Variants in IKZF2 observed in about 807,000 individuals in gnomAD.
IKZF2 encodes the protein zinc finger protein Helios.
In IKZF2, 15 loss-of-function variants were observed where a neutral mutation model predicts 49.2. That is an observed-to-expected ratio of 0.30 (90% confidence interval 0.20 to 0.47). IKZF2 has a LOEUF of 0.47. Ranked by LOEUF, IKZF2 falls within the 20% of genes least tolerant of loss-of-function variation. The pLI, the probability that IKZF2 is intolerant of heterozygous loss-of-function variation, is 1.00. For synonymous variants in IKZF2, 227 were observed against 221.4 expected (o/e 1.03, Z -0.23); for missense variants, 567 against 664.6 (o/e 0.85, Z 1.61).
intron 8 of IKZF2, among the ~76,000 whole-genome samples, chr2:213,013,058 C>T (rs969705160): frequency 5.9e-5 from 9 of 151,490 alleles, no homozygotes; most frequent in Admixed American, 4.0e-4. Flanking sequence ...TCTAAGGGTT[C>T]GGAAATGAAA....
At chr2:213,037,928 C>A (rs1012130488) in intron 6 of IKZF2, among the ~76,000 whole-genome samples, 1 of 151,582 alleles carries the variant, frequency 6.6e-6, no homozygotes, top group Non-Finnish European at 1.5e-5. Flanking sequence ...AATTATACTA[C>A]ATTTAATGCA....
At chr2:213,080,524 A>G (rs1703830704) in intron 4 of IKZF2, among the ~76,000 whole-genome samples, 1 of 152,194 alleles carries the variant, frequency 6.6e-6, no homozygotes. Flanking sequence ...GAAATAGAAA[A>G]TAAGTGAAAA....
chr2:213,125,944 C>G (rs1487666976), intron 4 of IKZF2, among the ~76,000 whole-genome samples: 1 of 151,844 alleles, frequency 6.6e-6, no homozygotes, highest in Non-Finnish European at 1.5e-5. Flanking sequence ...TAGTATATAC[C>G]AAAAAATTAT....
At chr2:213,016,709 A>G (rs1056024910) in intron 7 of IKZF2, among the ~76,000 whole-genome samples, 11 of 152,310 alleles carry the variant, frequency 7.2e-5, no homozygotes, top group Admixed American at 7.2e-4. Context: ...AACCAAGATA[A>G]AAACATAATT....
chr2:213,107,066 G>A (rs1436605649), intron 4 of IKZF2, among the ~76,000 whole-genome samples: 1 of 152,130 alleles, frequency 6.6e-6, no homozygotes, highest in Non-Finnish European at 1.5e-5. Context: ...ACACGGTAAG[G>A]AGAATGTACC....
chr2:213,068,469 G>C (rs896485462), intron 4 of IKZF2, among the ~76,000 whole-genome samples: 2 of 151,994 alleles, frequency 1.3e-5, no homozygotes, highest in Non-Finnish European at 2.9e-5. Flanking sequence ...CTGAGGTTAA[G>C]GATCTTAAGG....
intron 6 of IKZF2, among the ~76,000 whole-genome samples, chr2:213,046,453 A>G (rs1700163307): frequency 6.6e-6 from 1 of 150,794 alleles, no homozygotes; most frequent in African/African-American, 2.4e-5. Context: ...TCTGGTTTGT[A>G]AATAGAATGT....
intron 4 of IKZF2, among the ~76,000 whole-genome samples, chr2:213,136,384 AAAAAAAAG>A (rs1490749271): frequency 8.1e-5 from 9 of 110,832 alleles, no homozygotes; most frequent in Admixed American, 2.4e-4. Context: ...AAAAAAAAAA[AAAAAAAAG>A]AAAAAGAAAA....
chr2:213,049,704 G>C lies in IKZF2; in HGVS notation c.574+9C>G. On this transcript the variant is annotated intron_variant, in intron 6 of 8. Coordinates refer to ENST00000434687, the MANE Select transcript of IKZF2 (RefSeq NM_001387220.1). ...TTACTTTTCTTCTCAAGGAGTTGGT[G>C]ACACTTACCAGAATGGGTCCTGAGG... is the stretch of plus-strand genomic sequence containing the variant. The C allele has an allele frequency of 6.5e-7, 1 of 1,534,558 alleles. No homozygotes were observed. Among genetic ancestry groups the C allele is most frequent in the East Asian group, 2.3e-5 (1 of 43,340 alleles).
At chr2:213,042,779 A>C (rs910216020) in intron 6 of IKZF2, among the ~76,000 whole-genome samples, 11 of 152,154 alleles carry the variant, frequency 7.2e-5, no homozygotes, top group Admixed American at 2.6e-4. Flanking sequence ...GGTATGGTTT[A>C]GACCAGAAAA....
In IKZF2 at chr2:213,043,206, A is replaced by ACACC. The variant is rs1553555816; in HGVS notation, c.574+6506_574+6507insGGTG. On this transcript the variant is annotated intron_variant, in intron 6 of 8. Transcript: ENST00000434687. Reference sequence around the variant, plus strand: ...AATACACACACACACACACACACACACCCCTAGTATTTACTTAATACATAT... The same window carrying ACACC: ...AATACACACACACACACACACACACACACCCCCCTAGTATTTACTTAATACATAT... Among the ~76,000 whole-genome samples, 238 of 150,842 alleles carry ACACC rather than the reference A, an allele frequency of 1.6e-3. 1 individual carries two copies. The highest frequency in any genetic ancestry group is 5.5e-3 in the African/African-American group (226 of 41,084).
At chr2:213,108,128 G>A (rs1173993311) in intron 4 of IKZF2, among the ~76,000 whole-genome samples, 4 of 152,142 alleles carry the variant, frequency 2.6e-5, no homozygotes, top group South Asian at 2.1e-4. Context: ...GAGATTTCCC[G>A]AAATATTCAA....
chr2:213,024,908 C>A (rs1443995161), intron 6 of IKZF2, among the ~76,000 whole-genome samples: 1 of 152,030 alleles, frequency 6.6e-6, no homozygotes, highest in Admixed American at 6.6e-5. Context: ...TAAAGTAATA[C>A]ATAATTAATA....
At chr2:213,139,557 ATG>A (rs148201651) in intron 4 of IKZF2, among the ~76,000 whole-genome samples, 2,657 of 151,122 alleles carry the variant, frequency 0.018, 55 homozygotes, top group African/African-American at 0.052. Context: ...TGTTGGTTGC[ATG>A]TGTGTGTGTG....
chr2:213,047,956 A>G (rs1047359918), intron 6 of IKZF2, among the ~76,000 whole-genome samples: 3 of 152,086 alleles, frequency 2.0e-5, no homozygotes, highest in African/African-American at 7.2e-5. Context: ...TTGGAAGAAG[A>G]ACACTATAAT....
chr2:213,038,867 G>A (rs560357432), intron 6 of IKZF2, among the ~76,000 whole-genome samples: 3 of 152,174 alleles, frequency 2.0e-5, no homozygotes, highest in East Asian at 3.9e-4. Flanking sequence ...ACAACAATGC[G>A]TTTGAGGGTA....
intron 6 of IKZF2, among the ~76,000 whole-genome samples, chr2:213,044,101 G>A (rs1180726752): frequency 1.3e-5 from 2 of 152,162 alleles, no homozygotes; most frequent in East Asian, 3.8e-4. Context: ...CTGAAGGGTG[G>A]AAAGAGTGAG....
In IKZF2 at chr2:213,006,973, C is replaced by T; in HGVS notation, c.*387G>A. The T allele has an allele frequency of 1.2e-5, 2 of 164,632 alleles. No homozygotes were observed. The highest frequency in any genetic ancestry group is 2.6e-5 in the Non-Finnish European group (2 of 76,104). The allele number at this position is 164,632 out of a possible 1,614,324, so 10.2% of individuals were successfully genotyped here. ...CATTTTTAAACCACCAAAGTCCTAC[C>T]CAGAAAACTCTGAACTTTCCTGTCT... On this transcript the variant is annotated 3_prime_UTR_variant, in exon 9 of 9. Transcript: ENST00000434687.
Position 213,100,744 on chromosome 2 carries a change from A to T in IKZF2, c.140-43645T>A, listed in dbSNP as rs77545318. Among the ~76,000 whole-genome samples, 24 of 152,150 alleles carry T rather than the reference A, an allele frequency of 1.6e-4. No individual in the cohort carries two copies. The East Asian group carries it at 4.4e-3, about 28-fold the overall frequency. ...AATATACTTAGGAATACTTGGCAAC[A>T]TTAACAGTACCTGTGGCTACTCTAG... On this transcript the variant is annotated intron_variant, in intron 4 of 8. Coordinates refer to ENST00000434687, the MANE Select transcript of IKZF2 (RefSeq NM_001387220.1).
Sources: gnomAD v4.1 joint callset for allele counts (sites outside exome capture counted in the v4.1 genomes callset) on GRCh38, gnomAD v4.1.1 for gene constraint, MANE v1.5 for transcripts, NCBI Gene and HGNC (gene_info 2026-07-23, HGNC 2026-07-21) for gene names.